The following ACADSB variants were observed in gnomAD, a reference collection of about 807,000 sequenced individuals.
The protein encoded by ACADSB is short/branched chain specific acyl-CoA dehydrogenase, mitochondrial.
Under a neutral mutation model 54.1 loss-of-function variants are expected in ACADSB, and 40 were observed. The ratio of observed to expected loss-of-function variants is 0.74; its 90% CI spans 0.57 to 0.96. The LOEUF (loss-of-function observed/expected upper bound fraction) is 0.96, where lower values mean the gene tolerates loss of function less well. Ranked by LOEUF, ACADSB falls within the 40% of genes least tolerant of loss-of-function variation. ACADSB has a pLI of 0.00. For missense variants in ACADSB, 530 were observed against 510.4 expected (o/e 1.04, Z -0.37); for synonymous variants, 182 against 182.8 (o/e 1.00, Z 0.03).
chr10:123,023,569 T>C (rs1850210864), intron 1 of ACADSB, among the ~76,000 whole-genome samples: 1 of 152,198 alleles, frequency 6.6e-6, no homozygotes, highest in Admixed American at 6.5e-5. Flanking sequence ...AGTTTTACTT[T>C]GTATGCCCCA....
At chr10:123,041,043 T>A (rs1438739895) in intron 4 of ACADSB, among the ~76,000 whole-genome samples, 166 bp from the exon 5 acceptor site, 2 of 152,220 alleles carry the variant, frequency 1.3e-5, no homozygotes, top group Non-Finnish European at 2.9e-5. Flanking sequence ...GGGTATATTT[T>A]TTGGAAAATA....
At position 123,053,723 on chromosome 10, in the gene ACADSB, C is replaced by A. The variant is rs146671971; in HGVS notation, c.1257C>A (p.Ile419=). The change falls in exon 11 of 11, where the codon ATC becomes ATA. Residue 419 remains isoleucine (I), a synonymous_variant. Coordinates refer to ENST00000358776, the MANE Select transcript of ACADSB (RefSeq NM_001609.4). ...CGATATATGAAGGAGCTTCCAACAT[C>A]CAGTTGAACACCATTGCAAAGCATA... is the stretch of plus-strand genomic sequence containing the variant. ...IGTIYEGASN[I]QLNTIAKHID... is the part of the protein sequence containing the mutation. The A allele has an allele frequency of 4.0e-5, 65 of 1,613,976 alleles. No homozygotes were observed. In the African/African-American group the frequency reaches 8.3e-4, roughly 21 times the overall value.
intron 1 of ACADSB, among the ~76,000 whole-genome samples, chr10:123,025,954 A>G (rs556572662): frequency 6.6e-6 from 1 of 152,206 alleles, no homozygotes; most frequent in South Asian, 2.1e-4. Flanking sequence ...CCAGCTACGC[A>G]GGAGGCTGAA....
chr10:123,050,918 A>C (rs1850622048), intron 8 of ACADSB, 131 bp from the exon 9 acceptor site: 1 of 856,382 alleles, frequency 1.2e-6, no homozygotes, highest in African/African-American at 1.7e-5. Context: ...AGTATTTAAA[A>C]GACGTGAATG....
chr10:123,041,424 T>G (rs1446762049), intron 5 of ACADSB, 45 bp downstream of exon 5: 1 of 1,585,982 alleles, frequency 6.3e-7, no homozygotes, highest in East Asian at 2.2e-5. Context: ...AACCCCTTCT[T>G]TTCTCTTTCT....
In ACADSB at chr10:123,041,301, C is replaced by G. The variant is rs368834489; in HGVS notation, c.603C>G (p.Leu201=). ...ATAAAGAGGGAGATTATTATGTCCT[C>G]AATGGATCAAAGATGTGGATCAGCA... ...RADKEGDYYV[L]NGSKMWISSA... Residue 201 remains leucine (L), a synonymous_variant, in exon 5 of 11, where the codon CTC becomes CTG. Transcript: ENST00000358776. 78 of 1,614,042 alleles carry G rather than the reference C, an allele frequency of 4.8e-5. No homozygotes were observed. Among genetic ancestry groups the G allele is most frequent in the Admixed American group, 1.0e-4 (6 of 60,002 alleles).
intron 1 of ACADSB, among the ~76,000 whole-genome samples, chr10:123,020,020 T>TC (rs767931442): frequency 6.6e-6 from 1 of 152,208 alleles, no homozygotes; most frequent in African/African-American, 2.4e-5. Context: ...TCATCCACCC[T>TC]CTTAGGTTCA....
chr10:123,045,554 C>G (rs1850551191), intron 7 of ACADSB, among the ~76,000 whole-genome samples: 1 of 152,090 alleles, frequency 6.6e-6, no homozygotes, highest in Non-Finnish European at 1.5e-5. Flanking sequence ...GAAGATGTTA[C>G]ATATAAGCTA....
intron 4 of ACADSB, 69 bp from the exon 5 acceptor site, chr10:123,041,140 C>T: frequency 6.6e-7 from 1 of 1,509,662 alleles, no homozygotes; most frequent in Non-Finnish European, 9.2e-7. Flanking sequence ...GTCCATTTTT[C>T]CATAAGTATT....
At chr10:123,041,536 C>T (rs531739753) in intron 5 of ACADSB, among the ~76,000 whole-genome samples, 157 bp downstream of exon 5, 2 of 152,096 alleles carry the variant, frequency 1.3e-5, no homozygotes, top group African/African-American at 4.8e-5. Flanking sequence ...TTTTTCACTT[C>T]GTTAATCTCC....
Position 123,053,814 on chromosome 10 carries a change from A to G in ACADSB, c.*49A>G. ...CCTGGTGTCACTGCTGTAAAATTTT[A>G]AACGGTTGTGTCTTGTTGGGAGTAA... On this transcript the variant is annotated 3_prime_UTR_variant, in exon 11 of 11. Coordinates refer to ENST00000358776, the MANE Select transcript of ACADSB (RefSeq NM_001609.4). 4 of 1,534,040 alleles carry G rather than the reference A, an allele frequency of 2.6e-6. No individual in the cohort carries two copies. The highest frequency in any genetic ancestry group is 3.6e-6 in the Non-Finnish European group (4 of 1,107,372).
intron 7 of ACADSB, among the ~76,000 whole-genome samples, chr10:123,045,171 A>ATATATATATATATTTTATTT (rs1850544144): frequency 6.5e-5 from 1 of 15,374 alleles, no homozygotes; most frequent in Non-Finnish European, 1.0e-4. Context: ...ATATATATAT[A>ATATATATATATATTTTATTT]TTTTTTTTTT....
intron 1 of ACADSB, among the ~76,000 whole-genome samples, chr10:123,033,912 G>A (rs189939468): frequency 6.6e-6 from 1 of 152,318 alleles, no homozygotes; most frequent in Admixed American, 6.5e-5. Context: ...CACAGGGCAG[G>A]TAGCTCTATG....
chr10:123,010,363 C>T (rs1222330908), intron 1 of ACADSB, among the ~76,000 whole-genome samples: 1 of 152,240 alleles, frequency 6.6e-6, no homozygotes, highest in Non-Finnish European at 1.5e-5. Context: ...TCATATACTA[C>T]TGTCTCCCCG....
chr10:123,053,960 G>A lies in ACADSB; in HGVS notation c.*195G>A, dbSNP rs552789169. ...CAGGCTGTTTAACTTAGGCACAGGA[G>A]ATCCACTTTTAAACTTGGGAAATAA... On this transcript the variant is annotated 3_prime_UTR_variant, in exon 11 of 11. Coordinates refer to ENST00000358776, the MANE Select transcript of ACADSB (RefSeq NM_001609.4). 1.6e-6 allele frequency: 1 copy of A among 620,846 alleles called. No individual in the cohort carries two copies. Among genetic ancestry groups the A allele is most frequent in the African/African-American group, 1.8e-5 (1 of 54,220 alleles). The allele number at this position is 620,846 out of a possible 1,614,324, so 38.5% of individuals were successfully genotyped here.
intron 1 of ACADSB, chr10:123,027,457 T>G: frequency 2.3e-6 from 1 of 439,144 alleles, no homozygotes; most frequent in Non-Finnish European, 4.6e-6. Flanking sequence ...CTTGTGATAA[T>G]GAATAAGTCT....
chr10:123,053,990 C>G lies in ACADSB; in HGVS notation c.*225C>G. 9 of 597,408 alleles carry G rather than the reference C, an allele frequency of 1.5e-5. No individual in the cohort carries two copies. Among genetic ancestry groups the G allele is most frequent in the Non-Finnish European group, 2.4e-5 (8 of 337,994 alleles). The allele number at this position is 597,408 out of a possible 1,614,324, so 37.0% of individuals were successfully genotyped here. On this transcript the variant is annotated 3_prime_UTR_variant, in exon 11 of 11. Transcript: ENST00000358776. ...ACTTTTAAACTTGGGAAATAAGCAC[C>G]TGTATTTTTTTCCAAAACTGTTTTT...
chr10:123,013,103 T>C (rs1009314132), intron 1 of ACADSB, among the ~76,000 whole-genome samples: 4 of 152,144 alleles, frequency 2.6e-5, no homozygotes, highest in Non-Finnish European at 5.9e-5. Flanking sequence ...TACAATCACT[T>C]AGCTAGACAT....
intron 7 of ACADSB, among the ~76,000 whole-genome samples, chr10:123,044,794 C>A (rs1334517650): frequency 1.3e-5 from 2 of 151,852 alleles, no homozygotes; most frequent in Non-Finnish European, 2.9e-5. Flanking sequence ...TAAAAAAAAT[C>A]AACTTTTCAA....
Sources: gnomAD v4.1 joint callset for allele counts (sites outside exome capture counted in the v4.1 genomes callset) on GRCh38, gnomAD v4.1.1 for gene constraint, MANE v1.5 for transcripts, NCBI Gene and HGNC (gene_info 2026-07-23, HGNC 2026-07-21) for gene names.